The following USP42 variants were observed in gnomAD, a reference collection of about 807,000 sequenced individuals.
USP42 encodes ubiquitin specific peptidase 42.
USP42 carries 23 observed loss-of-function variants against 113.0 expected under a neutral mutation model. The observed-to-expected ratio is 0.20, with a 90% confidence interval of 0.15 to 0.29. The LOEUF (loss-of-function observed/expected upper bound fraction) is 0.29, where lower values mean the gene tolerates loss of function less well. Among genes scored for constraint, USP42 ranks in the 10% least tolerant of loss-of-function variants. USP42 has a pLI of 1.00. For missense variants in USP42, 2,174 were observed against 1,779.8 expected (o/e 1.22, Z -3.99); for synonymous variants, 933 against 699.0 (o/e 1.33, Z -5.28).
intron 15 of USP42, among the ~76,000 whole-genome samples, chr7:6,155,600 C>A (rs995832936): frequency 6.6e-5 from 10 of 152,030 alleles, no homozygotes; most frequent in Admixed American, 1.3e-4. Context: ...TTATATTTTC[C>A]TGAAATTCAG....
intron 1 of USP42, among the ~76,000 whole-genome samples, chr7:6,107,409 CTTTTTT>C (rs774259719): frequency 1.5e-5 from 2 of 130,796 alleles, no homozygotes; most frequent in Non-Finnish European, 3.3e-5. Flanking sequence ...TCTTCCTTTT[CTTTTTT>C]TTTTTTTTTT....
chr7:6,127,085 G>C (rs1780584287), intron 3 of USP42, among the ~76,000 whole-genome samples: 1 of 152,174 alleles, frequency 6.6e-6, no homozygotes, highest in Non-Finnish European at 1.5e-5. Flanking sequence ...ATGCTTAAAG[G>C]TATTGAACAT....
chr7:6,095,859 C>G, the USP42 span, among the ~76,000 whole-genome samples: 2 of 150,878 alleles, frequency 1.3e-5, no homozygotes, highest in Non-Finnish European at 2.9e-5. Flanking sequence ...ACCTCCCAGG[C>G]TCAAGCAATC....
chr7:6,089,284 T>A, the USP42 span, among the ~76,000 whole-genome samples: 1 of 148,678 alleles, frequency 6.7e-6, no homozygotes, highest in Non-Finnish European at 1.5e-5. Context: ...GAACTCCTGA[T>A]CTTAGGTGAT....
At chr7:6,093,370 C>G in the USP42 span, among the ~76,000 whole-genome samples, 1 of 150,354 alleles carries the variant, frequency 6.7e-6, no homozygotes, top group East Asian at 1.9e-4. Flanking sequence ...ACTGCAACCT[C>G]CACCTCCCGA....
Position 6,154,449 on chromosome 7 carries a change from C to A in USP42, c.2895C>A (p.Pro965=). The change falls in exon 15 of 18, where the codon CCC becomes CCA. Residue 965 remains proline, a synonymous_variant. Coordinates refer to ENST00000306177, the MANE Select transcript of USP42 (RefSeq NM_032172.3). The part of the protein sequence containing the change: ...SRRERSSSGE[P]ARESRSKTEG... Reference sequence around the variant, plus strand: ...GAGAGCGCTCGTCCAGCGGGGAGCCCGCCAGAGAGAGCAGGAGCAAGACTG... The same window carrying A: ...GAGAGCGCTCGTCCAGCGGGGAGCCAGCCAGAGAGAGCAGGAGCAAGACTG... 1.3e-6 allele frequency: 2 copies of A among 1,566,526 alleles called. No homozygotes were observed. Among genetic ancestry groups the A allele is most frequent in the Non-Finnish European group, 1.7e-6 (2 of 1,157,194 alleles).
chr7:6,110,998 A>G (rs1190164475), intron 1 of USP42, 127 bp from the exon 2 acceptor site: 7 of 927,658 alleles, frequency 7.5e-6, no homozygotes, highest in South Asian at 1.9e-5. Flanking sequence ...TATTGTTTTT[A>G]TATTTGAGTG....
chr7:6,136,025 GAC>G, intron 4 of USP42, 74 bp downstream of exon 4: 1 of 836,818 alleles, frequency 1.2e-6, no homozygotes, highest in Non-Finnish European at 1.7e-6. Context: ...TTTTTTTCGA[GAC>G]AGAGTCTTGC....
At position 6,144,053 on chromosome 7, in the gene USP42, CTTCT is replaced by C. The variant is rs759849327; in HGVS notation, c.879-30_879-27del. 3.6e-6 allele frequency: 5 copies of C among 1,383,434 alleles called. No homozygotes were observed. The South Asian group carries it at 7.1e-5, about 20-fold the overall frequency. 85.7% of individuals were successfully genotyped at this position (1,383,434 alleles called of 1,614,324 possible). A position where few individuals can be genotyped will look rare whatever the true frequency, so the allele number is the denominator to read the frequency against. On this transcript the variant is annotated intron_variant, in intron 8 of 17. Coordinates refer to ENST00000306177, the MANE Select transcript of USP42 (RefSeq NM_032172.3). ...CCACAAATTGTGTGTATATATTCGTCTTCTTATACTTTTGTTTCTGTTTGTTTCA... is the reference window on the plus strand; with the variant it reads ...CCACAAATTGTGTGTATATATTCGTCTATACTTTTGTTTCTGTTTGTTTCA...
chr7:6,089,969 C>T, the USP42 span, among the ~76,000 whole-genome samples: 142 of 150,790 alleles, frequency 9.4e-4, no homozygotes, highest in Middle Eastern at 0.01. Context: ...TCACTGCACT[C>T]CAGCCTGGGC....
At chr7:6,127,806 T>A (rs1780620566) in intron 3 of USP42, among the ~76,000 whole-genome samples, 1 of 152,204 alleles carries the variant, frequency 6.6e-6, no homozygotes, top group South Asian at 2.1e-4. Flanking sequence ...TTGCTGGGAT[T>A]TTGATAGGAA....
chr7:6,086,756 C>T, the USP42 span, among the ~76,000 whole-genome samples: 2 of 146,488 alleles, frequency 1.4e-5, no homozygotes, highest in Non-Finnish European at 3.0e-5. Flanking sequence ...GATGGAGTTT[C>T]GCTCTTGTCG....
chr7:6,149,345 T>C (rs1039760859), intron 12 of USP42, among the ~76,000 whole-genome samples: 2 of 152,114 alleles, frequency 1.3e-5, no homozygotes, highest in South Asian at 2.1e-4. Flanking sequence ...CGGAGGATTG[T>C]TTTCTGTGAA....
chr7:6,104,385 C>T (rs577204859), upstream of USP42, among the ~76,000 whole-genome samples: 32 of 152,334 alleles, frequency 2.1e-4, no homozygotes, highest in African/African-American at 7.7e-4. Flanking sequence ...CCGGCCCAGA[C>T]CTTGTTTCTA....
intron 3 of USP42, 52 bp downstream of exon 3, chr7:6,115,575 A>C: frequency 6.3e-7 from 1 of 1,579,208 alleles, no homozygotes; most frequent in Non-Finnish European, 8.7e-7. Context: ...ACCTACTTTC[A>C]TTTTTTCCTC....
At position 6,149,863 on chromosome 7, in the gene USP42, C is replaced by T; in HGVS notation, c.1667C>T (p.Ser556Phe). The T allele has an allele frequency of 6.2e-7, 1 of 1,614,074 alleles. No individual in the cohort carries two copies. The highest frequency in any genetic ancestry group is 8.5e-7 in the Non-Finnish European group (1 of 1,179,902). ...AACCCTACCAAGCCCGTTCCCTCTT[C>T]TACCATTACCAATTCTGCAGTACAG... ...LENPTKPVPS[S>F]TITNSAVQST... Residue 556 changes from serine (S) to phenylalanine (F), a missense_variant, in exon 13 of 18, where the codon TCT becomes TTT. Transcript: ENST00000306177.
intron 3 of USP42, among the ~76,000 whole-genome samples, chr7:6,121,648 A>G (rs1270570961): frequency 6.6e-6 from 1 of 152,084 alleles, no homozygotes; most frequent in Non-Finnish European, 1.5e-5. Context: ...GGCAGGTTTT[A>G]AACTACATTC....
chr7:6,111,603 ATT>A (rs1201458342), intron 2 of USP42, among the ~76,000 whole-genome samples: 3 of 137,808 alleles, frequency 2.2e-5, no homozygotes, highest in East Asian at 2.1e-4. Context: ...TTTTATTCCA[ATT>A]TTTTTTTTTT....
chr7:6,092,929 C>T, the USP42 span: 1 of 150,608 alleles, frequency 6.6e-6, no homozygotes, highest in Non-Finnish European at 1.5e-5. Context: ...ATTAAAACAG[C>T]CTTTCATTTC....
Sources: allele counts gnomAD v4.1 joint callset (sites outside exome capture counted in the v4.1 genomes callset), GRCh38; gene constraint gnomAD v4.1.1; transcripts MANE v1.5; gene names NCBI Gene and HGNC (gene_info 2026-07-23, HGNC 2026-07-21).